NELL2: variants seen among roughly 807,000 people sequenced by gnomAD.
NELL2 encodes the protein protein kinase C-binding protein NELL2.
A neutral mutation model predicts 109.6 loss-of-function variants in NELL2; 41 were observed. The observed-to-expected ratio is 0.37, with a 90% CI of 0.29 to 0.49. The LOEUF (loss-of-function observed/expected upper bound fraction) is 0.49. NELL2 is among the 20% of genes least tolerant of loss of function. NELL2 has a pLI of 0.98. For synonymous variants in NELL2, 355 were observed against 344.7 expected, an observed-to-expected ratio of 1.03 and a Z score of -0.33; for missense variants, 900 against 1,008.3, an observed-to-expected ratio of 0.89 and a Z score of 1.45.
chr12:44,687,260 T>C (rs2084844), intron 12 of NELL2, among the ~76,000 whole-genome samples: 8,989 of 152,078 alleles, frequency 0.059, 887 homozygotes, highest in African/African-American at 0.2. Context: ...CGCCCTGCTT[T>C]GGCTCGCCCA....
chr12:44,819,680 T>C (rs1021394554), intron 2 of NELL2, among the ~76,000 whole-genome samples: 2 of 152,064 alleles, frequency 1.3e-5, no homozygotes, highest in Non-Finnish European at 2.9e-5. Flanking sequence ...AGGGTCACAA[T>C]TCAGGACAGG....
chr12:44,684,244 T>C (rs955254870), intron 12 of NELL2, among the ~76,000 whole-genome samples: 1 of 152,266 alleles, frequency 6.6e-6, no homozygotes, highest in African/African-American at 2.4e-5. Flanking sequence ...AGTTTGTATT[T>C]CTGTGGGATT....
At chr12:44,537,541 ACAT>A (rs1362864920) in intron 15 of NELL2, among the ~76,000 whole-genome samples, 1 of 152,086 alleles carries the variant, frequency 6.6e-6, no homozygotes, top group Non-Finnish European at 1.5e-5. Context: ...TAAAAATATG[ACAT>A]CATTTCTCAT....
intron 9 of NELL2, among the ~76,000 whole-genome samples, chr12:44,746,551 T>G (rs1173499916): frequency 6.6e-6 from 1 of 152,224 alleles, no homozygotes; most frequent in Non-Finnish European, 1.5e-5. Context: ...CCTACTCATC[T>G]GACAAAGGGC....
intron 15 of NELL2, among the ~76,000 whole-genome samples, chr12:44,540,417 A>G (rs2139028692): frequency 6.6e-6 from 1 of 152,322 alleles, no homozygotes; most frequent in African/African-American, 2.4e-5. Flanking sequence ...CTGATTACTA[A>G]TAATTATTAG....
intron 14 of NELL2, among the ~76,000 whole-genome samples, chr12:44,610,277 G>T (rs1945569140): frequency 6.6e-6 from 1 of 150,414 alleles, no homozygotes; most frequent in South Asian, 2.1e-4. Flanking sequence ...CTGTCCTACT[G>T]ACTCAAAATG....
intron 1 of NELL2, among the ~76,000 whole-genome samples, chr12:44,893,260 T>A (rs143295686): frequency 0.015 from 2,315 of 152,290 alleles, 31 homozygotes; most frequent in Middle Eastern, 0.034. Context: ...ACCCAAATTC[T>A]TAATCAGTTC....
At chr12:44,700,082 C>A (rs908705854) in intron 12 of NELL2, among the ~76,000 whole-genome samples, 1 of 152,152 alleles carries the variant, frequency 6.6e-6, no homozygotes, top group East Asian at 1.9e-4. Flanking sequence ...CTCACTCAAT[C>A]TGTTCCCTAA....
intron 2 of NELL2, among the ~76,000 whole-genome samples, chr12:44,818,844 G>A (rs903595757): frequency 1.6e-4 from 23 of 140,356 alleles, no homozygotes; most frequent in Non-Finnish European, 2.9e-4. Flanking sequence ...CCGGGTTCAC[G>A]CCATTCTCCT....
chr12:44,781,288 G>A (rs1941948941), intron 3 of NELL2, among the ~76,000 whole-genome samples: 1 of 151,864 alleles, frequency 6.6e-6, no homozygotes, highest in African/African-American at 2.4e-5. Flanking sequence ...CAGAATGGAA[G>A]TGACTGTGAA....
chr12:44,561,845 A>T (rs1943477662), intron 15 of NELL2, among the ~76,000 whole-genome samples: 1 of 152,242 alleles, frequency 6.6e-6, no homozygotes, highest in Non-Finnish European at 1.5e-5. Context: ...GAACCAAAAA[A>T]GAGTCTGTAT....
intron 3 of NELL2, among the ~76,000 whole-genome samples, chr12:44,811,459 AG>A (rs1215466538): frequency 6.6e-6 from 1 of 152,088 alleles, no homozygotes; most frequent in Non-Finnish European, 1.5e-5. Flanking sequence ...TGGAAAGGTC[AG>A]TGAAAGCTTC....
chr12:44,741,359 T>A (rs1939949565), intron 9 of NELL2, among the ~76,000 whole-genome samples: 1 of 152,188 alleles, frequency 6.6e-6, no homozygotes, highest in Non-Finnish European at 1.5e-5. Flanking sequence ...AGCTCTGGTC[T>A]ACAGCTCCCA....
intron 12 of NELL2, among the ~76,000 whole-genome samples, chr12:44,685,983 T>G (rs1178341446): frequency 6.6e-6 from 1 of 152,238 alleles, no homozygotes; most frequent in Non-Finnish European, 1.5e-5. Flanking sequence ...ATTGGGGAAG[T>G]TCTCCTGGAT....
At chr12:44,724,810 C>G (rs935587249) in intron 9 of NELL2, among the ~76,000 whole-genome samples, 1 of 145,330 alleles carries the variant, frequency 6.9e-6, no homozygotes, top group African/African-American at 2.6e-5. Flanking sequence ...CAAGGCAATC[C>G]TAAGGGGAAA....
At chr12:44,702,494 A>T (rs567528704) in intron 12 of NELL2, among the ~76,000 whole-genome samples, 1 of 152,334 alleles carries the variant, frequency 6.6e-6, no homozygotes, top group Non-Finnish European at 1.5e-5. Context: ...ATGAATTTGT[A>T]TCATGTAGTT....
chr12:44,845,244 T>C (rs1944336776), intron 2 of NELL2, among the ~76,000 whole-genome samples: 1 of 152,208 alleles, frequency 6.6e-6, no homozygotes. Flanking sequence ...CAAATGAGCA[T>C]ATGTATAAAA....
intron 15 of NELL2, among the ~76,000 whole-genome samples, chr12:44,587,287 A>ATATATATATG (rs1944555061): frequency 1.8e-5 from 2 of 112,034 alleles, no homozygotes; most frequent in East Asian, 4.9e-4. Context: ...AAAAAAAAAT[A>ATATATATATG]TATATATATA....
intron 9 of NELL2, among the ~76,000 whole-genome samples, chr12:44,739,820 G>C (rs941232609): frequency 6.6e-6 from 1 of 152,158 alleles, no homozygotes; most frequent in Admixed American, 6.5e-5. Flanking sequence ...GAACTGGGAA[G>C]TGGAGGCTGC....
Sources: gnomAD v4.1 joint callset for allele counts (sites outside exome capture counted in the v4.1 genomes callset) on GRCh38, gnomAD v4.1.1 for gene constraint, MANE v1.5 for transcripts, NCBI Gene and HGNC (gene_info 2026-07-23, HGNC 2026-07-21) for gene names.